SDAD1: variants seen among roughly 807,000 people sequenced by gnomAD.
The protein encoded by SDAD1 is SDA1 domain containing 1, also known as protein SDA1 homolog.
A neutral mutation model predicts 100.3 loss-of-function variants in SDAD1; 79 were observed. That is an observed-to-expected ratio of 0.79 (90% confidence interval 0.66 to 0.95). The LOEUF (loss-of-function observed/expected upper bound fraction) is 0.95. Ranked by LOEUF, SDAD1 falls within the 40% of genes least tolerant of loss-of-function variation. SDAD1 has a pLI of 0.00. For missense variants in SDAD1, 790 were observed against 810.9 expected (o/e 0.97, Z 0.31); for synonymous variants, 267 against 271.4 (o/e 0.98, Z 0.16).
In SDAD1 at chr4:75,950,742, C is replaced by A; in HGVS notation, c.*8G>T. On this transcript the variant is annotated 3_prime_UTR_variant, in exon 22 of 22. Transcript: ENST00000356260. ...CATTCTTCTAGGAATGGAAAACTTG[C>A]CAGGAAGTTACTTCATTCTTTTTCT... The A allele has an allele frequency of 6.3e-7, 1 of 1,577,302 alleles. No homozygotes were observed. The highest frequency in any genetic ancestry group is 8.7e-7 in the Non-Finnish European group (1 of 1,151,976).
At chr4:75,952,583 A>G (rs1035831182) in intron 21 of SDAD1, among the ~76,000 whole-genome samples, 1 of 152,226 alleles carries the variant, frequency 6.6e-6, no homozygotes, top group African/African-American at 2.4e-5. Context: ...AAGCCAGGTA[A>G]GATTCCTTTA....
At chr4:75,960,341 A>C (rs1004681993) in intron 16 of SDAD1, 149 bp from the exon 17 acceptor site, 1 of 705,954 alleles carries the variant, frequency 1.4e-6, no homozygotes, top group East Asian at 3.1e-5. Flanking sequence ...CAGTGGTACA[A>C]TCTCAGCTCA....
intron 6 of SDAD1, among the ~76,000 whole-genome samples, chr4:75,975,315 T>C (rs1199776793): frequency 2.0e-5 from 3 of 152,174 alleles, no homozygotes; most frequent in African/African-American, 7.2e-5. Flanking sequence ...AAGCATGATA[T>C]TTTATATAAA....
At chr4:75,990,483 A>C (rs1731189062) in intron 1 of SDAD1, among the ~76,000 whole-genome samples, 1 of 152,146 alleles carries the variant, frequency 6.6e-6, no homozygotes, top group African/African-American at 2.4e-5. Flanking sequence ...GACGAAGAAA[A>C]ATATCTTAAA....
At position 75,990,941 on chromosome 4, in the gene SDAD1, G is replaced by C; in HGVS notation, c.-100C>G. 7.0e-7 allele frequency: 1 copy of C among 1,426,714 alleles called. No homozygotes were observed. The highest frequency in any genetic ancestry group is 9.8e-7 in the Non-Finnish European group (1 of 1,024,690). The allele number at this position is 1,426,714 out of a possible 1,614,324, so 88.4% of individuals were successfully genotyped here. ...GCTGCAGCTTGGACTCGTGTTTCCG[G>C]GTATGACCGGAAATAGCGCATGGGA... On this transcript the variant is annotated 5_prime_UTR_variant, in exon 1 of 22. Transcript: ENST00000356260.
chr4:75,955,986 G>A lies in SDAD1; in HGVS notation c.2005C>T (p.Arg669Ter), dbSNP rs368126987. 9.4e-6 allele frequency: 15 copies of A among 1,595,300 alleles called. No individual in the cohort carries two copies. In the African/African-American group the frequency reaches 1.1e-4, roughly 12 times the overall value. ...CAAGTGGAACTCACCTGTTTTTCTCGGAAGGAACGCTTATTTTTTGACCGG... is the reference window on the plus strand; with the variant it reads ...CAAGTGGAACTCACCTGTTTTTCTCAGAAGGAACGCTTATTTTTTGACCGG... ...NVRSKNKRSFREKQLALRDAL... is the reference protein window; with the variant it reads ...NVRSKNKRSF Residue 669 changes from arginine (R) to a stop codon, truncating the protein, a stop_gained, in exon 21 of 22, where the codon CGA (arginine) becomes TGA (stop). Coordinates refer to ENST00000356260, the MANE Select transcript of SDAD1 (RefSeq NM_018115.4). LOFTEE classifies it high-confidence loss of function.
intron 14 of SDAD1, among the ~76,000 whole-genome samples, chr4:75,961,966 G>C (rs1242203336): frequency 1.3e-5 from 2 of 152,146 alleles, no homozygotes; most frequent in Non-Finnish European, 2.9e-5. Context: ...TGTTACATAT[G>C]TATACATGTG....
At chr4:75,978,982 GAAAAA>G (rs538009004) in intron 3 of SDAD1, among the ~76,000 whole-genome samples, 2,858 of 37,850 alleles carry the variant, frequency 0.076, 41 homozygotes, top group Middle Eastern at 0.29. Flanking sequence ...CCCTGTCTCA[GAAAAA>G]AAAAAAAAAA....
At chr4:75,989,498 G>A (rs1275384259) in intron 1 of SDAD1, among the ~76,000 whole-genome samples, 1 of 152,132 alleles carries the variant, frequency 6.6e-6, no homozygotes, top group Non-Finnish European at 1.5e-5. Flanking sequence ...ACACACAGTA[G>A]TTATATGTGA....
At chr4:75,988,662 A>C (rs1446310023) in intron 1 of SDAD1, among the ~76,000 whole-genome samples, 1 of 152,214 alleles carries the variant, frequency 6.6e-6, no homozygotes, top group African/African-American at 2.4e-5. Context: ...ACAGCTCAAT[A>C]TTATGTAGTC....
intron 1 of SDAD1, among the ~76,000 whole-genome samples, chr4:75,986,901 C>T (rs1173335170): frequency 6.6e-6 from 1 of 151,938 alleles, no homozygotes; most frequent in Non-Finnish European, 1.5e-5. Context: ...ACTTGTGGTC[C>T]CAGCTACCCT....
At chr4:75,954,485 C>A (rs182774632) in intron 21 of SDAD1, among the ~76,000 whole-genome samples, 1 of 151,830 alleles carries the variant, frequency 6.6e-6, no homozygotes, top group East Asian at 1.9e-4. Flanking sequence ...CCAGACTGGG[C>A]AACATGGCAA....
intron 3 of SDAD1, among the ~76,000 whole-genome samples, chr4:75,978,235 CCTTT>C (rs1424191632): frequency 9.9e-6 from 1 of 100,646 alleles, no homozygotes; most frequent in Non-Finnish European, 1.8e-5. Context: ...CTGCCCCCCG[CCTTT>C]TTTTTTTTTT....
At chr4:75,960,273 ATTTAT>A in intron 16 of SDAD1, 81 bp from the exon 17 acceptor site, 1 of 1,196,718 alleles carries the variant, frequency 8.4e-7, no homozygotes, top group Non-Finnish European at 1.1e-6. Context: ...GAAATTATGA[ATTTAT>A]TTTATTTATT....
intron 2 of SDAD1, among the ~76,000 whole-genome samples, chr4:75,981,707 G>GA (rs886451254): frequency 2.6e-5 from 4 of 151,382 alleles, no homozygotes; most frequent in African/African-American, 7.3e-5. Flanking sequence ...TGAATTTGAA[G>GA]AAAAAAAATA....
chr4:75,968,146 C>A (rs990949755), intron 11 of SDAD1, among the ~76,000 whole-genome samples: 2 of 152,142 alleles, frequency 1.3e-5, no homozygotes, highest in Admixed American at 1.3e-4. Flanking sequence ...TCAAACCACG[C>A]TTAAATCACA....
chr4:75,970,597 C>T (rs1371050807), intron 9 of SDAD1, among the ~76,000 whole-genome samples: 3 of 152,178 alleles, frequency 2.0e-5, no homozygotes, highest in Non-Finnish European at 4.4e-5. Context: ...ATGAGACTTA[C>T]AGGAATTTGG....
At chr4:75,961,334 A>G in intron 14 of SDAD1, 26 bp from the exon 15 acceptor site, 1 of 1,549,986 alleles carries the variant, frequency 6.5e-7, no homozygotes, top group Non-Finnish European at 8.9e-7. Context: ...CAAAGTTTAA[A>G]AGAGCCCGAA....
At chr4:75,981,314 A>G in intron 3 of SDAD1, 58 bp downstream of exon 3, 1 of 1,472,656 alleles carries the variant, frequency 6.8e-7, no homozygotes, top group Non-Finnish European at 9.5e-7. Context: ...ATTTAAATAT[A>G]TATGAACGCA....
Sources: allele counts gnomAD v4.1 joint callset (sites outside exome capture counted in the v4.1 genomes callset), GRCh38; gene constraint gnomAD v4.1.1; transcripts MANE v1.5; gene names NCBI Gene and HGNC (gene_info 2026-07-23, HGNC 2026-07-21).